The following CADM2 variants were observed in gnomAD, a reference collection of about 807,000 sequenced individuals.
CADM2 encodes the protein cell adhesion molecule 2, also known as immunoglobulin superfamily member 4D.
A neutral mutation model predicts 49.8 loss-of-function variants in CADM2; 12 were observed. That is an observed-to-expected ratio of 0.24 (90% CI 0.15 to 0.39). CADM2 has a LOEUF of 0.39. Among genes scored for constraint, CADM2 ranks in the 10% least tolerant of loss-of-function variants. The probability of loss-of-function intolerance (pLI) is 1.00; values close to 1 mark genes in which losing one functional copy is unlikely to be tolerated. For synonymous variants in CADM2, 214 were observed against 175.4 expected (o/e 1.22, Z -1.74); for missense variants, 378 against 492.3 (o/e 0.77, Z 2.20).
At chr3:86,041,902 C>G (rs1261145700) in intron 8 of CADM2, among the ~76,000 whole-genome samples, 1 of 152,146 alleles carries the variant, frequency 6.6e-6, no homozygotes, top group Non-Finnish European at 1.5e-5. Flanking sequence ...TGCAATCAAA[C>G]TAGAACTCAG....
chr3:85,967,607 A>G (rs1368839201), intron 8 of CADM2, among the ~76,000 whole-genome samples: 4 of 151,646 alleles, frequency 2.6e-5, no homozygotes, highest in South Asian at 2.1e-4. Context: ...ATGATTATCA[A>G]TGATCTGAGA....
intron 8 of CADM2, among the ~76,000 whole-genome samples, chr3:86,016,144 A>G (rs1732195398): frequency 6.6e-6 from 1 of 151,972 alleles, no homozygotes; most frequent in African/African-American, 2.4e-5. Context: ...TTGATACACT[A>G]TTTTTTTAGT....
At chr3:85,722,003 T>C (rs2067520115) in intron 1 of CADM2, among the ~76,000 whole-genome samples, 1 of 152,176 alleles carries the variant, frequency 6.6e-6, no homozygotes, top group African/African-American at 2.4e-5. Flanking sequence ...AGTTCCTGTC[T>C]ACGGGCAGGT....
At chr3:85,372,330 A>G (rs2033296618) in intron 1 of CADM2, among the ~76,000 whole-genome samples, 1 of 150,660 alleles carries the variant, frequency 6.6e-6, no homozygotes, top group Admixed American at 6.6e-5. Flanking sequence ...AGATGTCTAG[A>G]TGAAATTTAT....
At chr3:85,149,559 T>C (rs953816463) in intron 1 of CADM2, among the ~76,000 whole-genome samples, 2 of 152,018 alleles carry the variant, frequency 1.3e-5, no homozygotes, top group African/African-American at 4.8e-5. Context: ...ACCCCGTCTC[T>C]ACTAAAAATA....
intron 1 of CADM2, among the ~76,000 whole-genome samples, chr3:85,086,995 T>C (rs2037406582): frequency 6.6e-6 from 1 of 152,054 alleles, no homozygotes; most frequent in Non-Finnish European, 1.5e-5. Flanking sequence ...AACCAGGAAA[T>C]GGATGATGCT....
At chr3:85,760,347 T>C (rs2069314883) in intron 2 of CADM2, among the ~76,000 whole-genome samples, 1 of 151,978 alleles carries the variant, frequency 6.6e-6, no homozygotes, top group South Asian at 2.1e-4. Flanking sequence ...TTCTTTTTTT[T>C]TTTCGTTTAA....
chr3:85,218,715 G>A (rs773181449), intron 1 of CADM2, among the ~76,000 whole-genome samples: 11 of 152,150 alleles, frequency 7.2e-5, no homozygotes, highest in Non-Finnish European at 1.3e-4. Context: ...AGAGTCACTT[G>A]AACTCGGGAG....
At chr3:85,141,552 A>G (rs540932191) in intron 1 of CADM2, among the ~76,000 whole-genome samples, 13 of 152,340 alleles carry the variant, frequency 8.5e-5, no homozygotes, top group African/African-American at 3.1e-4. Flanking sequence ...TCTCAAGGGT[A>G]AACCCTATTA....
At chr3:85,266,702 A>G (rs2106826226) in intron 1 of CADM2, among the ~76,000 whole-genome samples, 1 of 151,950 alleles carries the variant, frequency 6.6e-6, no homozygotes, top group African/African-American at 2.4e-5. Flanking sequence ...GGTATTTCAC[A>G]TTGAACTGTG....
intron 8 of CADM2, among the ~76,000 whole-genome samples, chr3:86,029,562 C>T (rs6549066): frequency 0.036 from 5,444 of 151,642 alleles, 326 homozygotes; most frequent in African/African-American, 0.12. Context: ...TGAGTATTTT[C>T]GTGTCTTTTC....
chr3:85,963,950 A>G (rs542474281), intron 8 of CADM2, among the ~76,000 whole-genome samples: 27 of 152,028 alleles, frequency 1.8e-4, no homozygotes, highest in African/African-American at 6.3e-4. Flanking sequence ...GATTATTGAC[A>G]CAAGTAATGA....
intron 1 of CADM2, among the ~76,000 whole-genome samples, chr3:84,973,065 C>T (rs2031571030): frequency 6.6e-6 from 1 of 152,094 alleles, no homozygotes; most frequent in African/African-American, 2.4e-5. Flanking sequence ...AGGCACGTGC[C>T]ACCACGCCGG....
chr3:85,719,707 G>T (rs1161046322), intron 1 of CADM2, among the ~76,000 whole-genome samples: 1 of 151,408 alleles, frequency 6.6e-6, no homozygotes, highest in Non-Finnish European at 1.5e-5. Context: ...AGAGGCAGGA[G>T]AAAATTTGCT....
chr3:84,962,685 A>G (rs1046599928), intron 1 of CADM2, among the ~76,000 whole-genome samples: 3 of 152,188 alleles, frequency 2.0e-5, no homozygotes, highest in Non-Finnish European at 2.9e-5. Flanking sequence ...TACTATAGTC[A>G]GTCATTAGCT....
At chr3:85,184,513 CA>C (rs1323312204) in intron 1 of CADM2, among the ~76,000 whole-genome samples, 8 of 151,884 alleles carry the variant, frequency 5.3e-5, no homozygotes, top group African/African-American at 1.9e-4. Context: ...CTACTATGTG[CA>C]AATTATAGTC....
intron 1 of CADM2, among the ~76,000 whole-genome samples, chr3:85,389,817 G>A (rs2034432773): frequency 6.6e-6 from 1 of 152,112 alleles, no homozygotes. Flanking sequence ...ATGCAGCACT[G>A]ACTATTCATT....
chr3:85,480,933 T>G (rs1576630368), intron 1 of CADM2, among the ~76,000 whole-genome samples: 1 of 151,874 alleles, frequency 6.6e-6, no homozygotes, highest in East Asian at 1.9e-4. Context: ...TTTATATGAA[T>G]AATCCTTTTC....
At chr3:85,852,984 T>C (rs2075166575) in intron 3 of CADM2, among the ~76,000 whole-genome samples, 1 of 152,054 alleles carries the variant, frequency 6.6e-6, no homozygotes, top group African/African-American at 2.4e-5. Context: ...AAATGTATGT[T>C]TAAATATTTA....
Sources: gnomAD v4.1 joint callset for allele counts (sites outside exome capture counted in the v4.1 genomes callset) on GRCh38, gnomAD v4.1.1 for gene constraint, MANE v1.5 for transcripts, NCBI Gene and HGNC (gene_info 2026-07-23, HGNC 2026-07-21) for gene names.